NRG1: variants seen among roughly 807,000 people sequenced by gnomAD.
The protein encoded by NRG1 is neuregulin 1.
In NRG1, 18 loss-of-function variants were observed where a neutral mutation model predicts 63.8. The observed-to-expected ratio is 0.28, with a 90% CI of 0.19 to 0.42. NRG1 has a LOEUF of 0.42. Ranked by LOEUF, NRG1 falls within the 10% of genes least tolerant of loss-of-function variation. NRG1 has a pLI of 1.00. For missense variants in NRG1, 762 were observed against 814.7 expected, an observed-to-expected ratio of 0.94 and a Z score of 0.79; for synonymous variants, 302 against 301.3, an observed-to-expected ratio of 1.00 and a Z score of -0.02.
chr8:32,682,820 T>A (rs1458385230), intron 5 of NRG1, among the ~76,000 whole-genome samples: 1 of 152,160 alleles, frequency 6.6e-6, no homozygotes, highest in African/African-American at 2.4e-5. Flanking sequence ...TAGTTTAGAG[T>A]AAGAAATATG....
At chr8:32,015,005 C>T (rs1211875770) in intron 1 of NRG1, among the ~76,000 whole-genome samples, 2 of 152,106 alleles carry the variant, frequency 1.3e-5, no homozygotes, top group South Asian at 2.1e-4. Context: ...TTCTCCCTCA[C>T]AGCATGCAAA....
chr8:32,335,648 A>T (rs752468931), intron 1 of NRG1, among the ~76,000 whole-genome samples: 2 of 152,192 alleles, frequency 1.3e-5, no homozygotes, highest in African/African-American at 2.4e-5. Context: ...CCTTGCACAT[A>T]ATAGGCCTTC....
intron 1 of NRG1, among the ~76,000 whole-genome samples, chr8:32,411,694 G>T (rs1814973223): frequency 6.6e-6 from 1 of 152,166 alleles, no homozygotes; most frequent in South Asian, 2.1e-4. Flanking sequence ...ATTGTAAGTT[G>T]ATCCACACAT....
At chr8:32,724,766 C>G (rs1821646379) in intron 5 of NRG1, among the ~76,000 whole-genome samples, 1 of 152,164 alleles carries the variant, frequency 6.6e-6, no homozygotes, top group Admixed American at 6.5e-5. Context: ...ATTTTTTGAT[C>G]TCACTACTGC....
chr8:32,244,928 A>G (rs1012414974), intron 1 of NRG1, among the ~76,000 whole-genome samples: 1 of 152,216 alleles, frequency 6.6e-6, no homozygotes, highest in African/African-American at 2.4e-5. Context: ...ATACCAGTCC[A>G]GCAAATTCCA....
At chr8:31,666,314 T>C (rs139362237) in intron 1 of NRG1, among the ~76,000 whole-genome samples, 324 of 152,300 alleles carry the variant, frequency 2.1e-3, no homozygotes, top group African/African-American at 7.4e-3. Context: ...CTCTGATTTG[T>C]GTTTCCTGGG....
intron 1 of NRG1, among the ~76,000 whole-genome samples, chr8:31,903,619 G>C (rs1246829820): frequency 6.6e-6 from 1 of 151,998 alleles, no homozygotes; most frequent in Non-Finnish European, 1.5e-5. Flanking sequence ...TGTCAATCTG[G>C]TTTTCATATC....
chr8:31,958,084 C>CAT (rs1563617131), intron 1 of NRG1, among the ~76,000 whole-genome samples: 2 of 123,414 alleles, frequency 1.6e-5, no homozygotes, highest in East Asian at 6.6e-4. Context: ...GATAGATAGA[C>CAT]AGACAGATAG....
At chr8:32,697,743 C>T (rs1477900088) in intron 5 of NRG1, among the ~76,000 whole-genome samples, 1 of 152,178 alleles carries the variant, frequency 6.6e-6, no homozygotes. Context: ...ACTGTCTTAA[C>T]AGAAATAAAT....
Position 32,742,142 on chromosome 8 carries a change from C to A in NRG1, c.633-533C>A. On this transcript the variant is annotated intron_variant, in intron 6 of 11. Transcript: ENST00000356819. This position sits in a 1 kb window ranked among gnomAD's most constrained non-coding sequence, Gnocchi z 4.2. ...CAGCAACAATCACTACCACTTGGTG[C>A]TTTTACAGCTCAGTCGTAACTGATT... 7.9e-7 allele frequency: 1 copy of A among 1,259,258 alleles called. No individual in the cohort carries two copies. Among genetic ancestry groups the A allele is most frequent in the Non-Finnish European group, 1.2e-6 (1 of 858,926 alleles). 78.0% of individuals were successfully genotyped at this position (1,259,258 alleles called of 1,614,324 possible).
intron 1 of NRG1, among the ~76,000 whole-genome samples, chr8:32,175,454 T>G (rs1204609023): frequency 1.3e-5 from 2 of 152,172 alleles, no homozygotes; most frequent in African/African-American, 4.8e-5. Context: ...CCACTCCTAT[T>G]CAACATAGTG....
rs368456711 is a variant in NRG1, at chr8:31,979,849, G to A, written c.37+340418G>A. 2.6e-5 allele frequency among the ~76,000 whole-genome samples: 4 copies of A among 152,158 alleles called. No homozygotes were observed. The East Asian group carries it at 5.8e-4, about 22-fold the overall frequency. The stretch of plus-strand genomic sequence containing the variant: ...AACACTAATATGCCTGTTCAATGAA[G>A]CATTCTATTCAAAATGTTTTATTAA... On this transcript the variant is annotated intron_variant, in intron 1 of 10. Transcript: ENST00000519301.
intron 1 of NRG1, among the ~76,000 whole-genome samples, chr8:32,338,211 G>T (rs1329280416): frequency 1.3e-5 from 2 of 152,146 alleles, no homozygotes; most frequent in Non-Finnish European, 2.9e-5. Flanking sequence ...TAGGAGAAAG[G>T]TACCATGTGA....
intron 1 of NRG1, among the ~76,000 whole-genome samples, chr8:32,222,485 A>G (rs1845921845): frequency 6.6e-6 from 1 of 152,226 alleles, no homozygotes; most frequent in Admixed American, 6.5e-5. Flanking sequence ...AACAGAAAGA[A>G]AGAAAGAAAA....
At chr8:32,430,592 A>G (rs2129486712) in intron 1 of NRG1, among the ~76,000 whole-genome samples, 1 of 152,298 alleles carries the variant, frequency 6.6e-6, no homozygotes, top group Admixed American at 6.5e-5. Flanking sequence ...ATATCTGACA[A>G]CTTGCAAATA....
chr8:32,243,934 C>G (rs2129469889), intron 1 of NRG1, among the ~76,000 whole-genome samples: 1 of 152,252 alleles, frequency 6.6e-6, no homozygotes, highest in African/African-American at 2.4e-5. Context: ...CACATTGATC[C>G]TCGATTTCTC....
At chr8:32,027,462 TTCCTTCCC>T (rs1406407820) in intron 1 of NRG1, among the ~76,000 whole-genome samples, 81 of 62,100 alleles carry the variant, frequency 1.3e-3, no homozygotes, top group Non-Finnish European at 2.0e-3. Flanking sequence ...CCTTCCTTCC[TTCCTTCCC>T]TCCCTCCCTC....
rs529207520 is a variant in NRG1, at chr8:32,172,716, G to A, written c.38-423112G>A. 2.2e-3 allele frequency among the ~76,000 whole-genome samples: 335 copies of A among 152,332 alleles called. 2 individuals are homozygous for A. The highest frequency in any genetic ancestry group is 7.7e-3 in the African/African-American group (322 of 41,564). On this transcript the variant is annotated intron_variant, in intron 1 of 10. Transcript: ENST00000519301. Reference sequence around the variant, plus strand: ...ATGCACAAGCCTCAGTAGCTGATTTGATCAACTGGAAGAAAGGGTATCAGT... The same window carrying A: ...ATGCACAAGCCTCAGTAGCTGATTTAATCAACTGGAAGAAAGGGTATCAGT...
Position 32,051,013 on chromosome 8 carries a change from G to A in NRG1, c.37+411582G>A, listed in dbSNP as rs149939835. ...ATAAGAGAGTGGAATCGATTTCTGCGTAGGTAGAGAGTTTAATATAAAGTA... is the reference window on the plus strand; with the variant it reads ...ATAAGAGAGTGGAATCGATTTCTGCATAGGTAGAGAGTTTAATATAAAGTA... On this transcript the variant is annotated intron_variant, in intron 1 of 10. Coordinates refer to the NRG1 transcript ENST00000519301. 2.1e-3 allele frequency among the ~76,000 whole-genome samples: 320 copies of A among 152,234 alleles called. 3 individuals carry two copies. The highest frequency in any genetic ancestry group is 6.8e-3 in the Middle Eastern group (2 of 294).
Sources: gnomAD v4.1 joint callset for allele counts (sites outside exome capture counted in the v4.1 genomes callset) on GRCh38, gnomAD v4.1.1 for gene constraint, Gnocchi (gnomAD v3.1) non-coding constraint, MANE v1.5 for transcripts, NCBI Gene and HGNC (gene_info 2026-07-23, HGNC 2026-07-21) for gene names.